The following EEF2K variants were observed in gnomAD, a reference collection of about 807,000 sequenced individuals.
EEF2K encodes the protein alternative protein EEF2K.
A neutral mutation model predicts 93.8 loss-of-function variants in EEF2K; 70 were observed. The observed-to-expected ratio is 0.75, with a 90% confidence interval of 0.62 to 0.91. The LOEUF is 0.91. EEF2K is among the 40% of genes least tolerant of loss of function. EEF2K has a pLI of 0.00. For missense variants in EEF2K, 935 were observed against 972.9 expected (o/e 0.96, Z 0.52); for synonymous variants, 376 against 380.8 (o/e 0.99, Z 0.15).
At chr16:22,262,744 C>T (rs956493819) in intron 11 of EEF2K, among the ~76,000 whole-genome samples, 2 of 152,164 alleles carry the variant, frequency 1.3e-5, no homozygotes, top group Non-Finnish European at 2.9e-5. Flanking sequence ...AATCCCATAA[C>T]TAAGGACACT....
chr16:22,259,312 G>GC (rs1365168876), intron 10 of EEF2K, among the ~76,000 whole-genome samples: 1 of 152,208 alleles, frequency 6.6e-6, no homozygotes, highest in East Asian at 1.9e-4. Flanking sequence ...GAAAGTGTGA[G>GC]CGGGAGCAGG....
chr16:22,237,847 T>G (rs2141660524), intron 2 of EEF2K, among the ~76,000 whole-genome samples: 1 of 152,290 alleles, frequency 6.6e-6, no homozygotes, highest in African/African-American at 2.4e-5. Flanking sequence ...CATTTGCATA[T>G]AAGTATACAT....
chr16:22,229,868 T>C (rs1300004313), intron 2 of EEF2K, among the ~76,000 whole-genome samples: 1 of 152,214 alleles, frequency 6.6e-6, no homozygotes, highest in Non-Finnish European at 1.5e-5. Context: ...GGATTTGAAA[T>C]TAAAAATAAT....
intron 1 of EEF2K, among the ~76,000 whole-genome samples, chr16:22,217,391 GA>G (rs2046968920): frequency 6.6e-6 from 1 of 151,890 alleles, no homozygotes; most frequent in South Asian, 2.1e-4. Context: ...GCCCTAGTAA[GA>G]AAAAGGTGTT....
At chr16:22,265,551 A>G (rs957183889) in intron 13 of EEF2K, among the ~76,000 whole-genome samples, 1 of 152,194 alleles carries the variant, frequency 6.6e-6, no homozygotes, top group Non-Finnish European at 1.5e-5. Flanking sequence ...ATCTCCCAGA[A>G]CACTGATTAT....
At chr16:22,244,269 T>TTTTGTGTGTG (rs1192995219) in intron 2 of EEF2K, among the ~76,000 whole-genome samples, 2 of 140,058 alleles carry the variant, frequency 1.4e-5, no homozygotes, top group African/African-American at 5.3e-5. Context: ...TATATATGTA[T>TTTTGTGTGTG]TGTGTGTGTG....
intron 14 of EEF2K, 52 bp downstream of exon 14, chr16:22,266,576 C>T (rs1377082030): frequency 6.2e-7 from 1 of 1,605,306 alleles, no homozygotes; most frequent in Non-Finnish European, 8.5e-7. Flanking sequence ...TGGAGCCCCC[C>T]AGCTCCAGCC....
At chr16:22,248,122 T>G (rs563202552) in intron 3 of EEF2K, among the ~76,000 whole-genome samples, 1 of 152,266 alleles carries the variant, frequency 6.6e-6, no homozygotes, top group Non-Finnish European at 1.5e-5. Context: ...TGGAGTGCAA[T>G]GGTGCAATCT....
chr16:22,252,860 A>G (rs1343671441), intron 6 of EEF2K, among the ~76,000 whole-genome samples: 1 of 152,194 alleles, frequency 6.6e-6, no homozygotes, highest in Admixed American at 6.5e-5. Context: ...GTTTCCCCTT[A>G]TAAAACCATC....
rs757096482 is a variant in EEF2K, at chr16:22,285,815, TTTG to T, written c.*1829_*1831del. 3 of 152,472 alleles carry T rather than the reference TTTG, an allele frequency of 2.0e-5. No individual in the cohort carries two copies. Among genetic ancestry groups the T allele is most frequent in the East Asian group, 1.9e-4 (1 of 5,182 alleles). 9.4% of individuals were successfully genotyped at this position (152,472 alleles called of 1,614,324 possible). On this transcript the variant is annotated 3_prime_UTR_variant, in exon 18 of 18. Transcript: ENST00000263026. ...TGGGTCCTTCAACACCTTAGTGGGG[TTTG>T]TTGTTGTTGCTTATGCAGAGAGATT...
chr16:22,230,792 T>C (rs140473224), intron 2 of EEF2K, among the ~76,000 whole-genome samples: 238 of 152,280 alleles, frequency 1.6e-3, no homozygotes, highest in Non-Finnish European at 2.6e-3. Flanking sequence ...GTTGTTGTTA[T>C]TGTTTTACAT....
At chr16:22,254,712 T>C (rs1375826465) in intron 6 of EEF2K, among the ~76,000 whole-genome samples, 1 of 152,220 alleles carries the variant, frequency 6.6e-6, no homozygotes, top group Non-Finnish European at 1.5e-5. Flanking sequence ...TAATTTCCCA[T>C]TGCAGGGAGA....
intron 1 of EEF2K, among the ~76,000 whole-genome samples, chr16:22,208,842 C>T (rs2142096834): frequency 1.3e-5 from 2 of 152,272 alleles, no homozygotes; most frequent in Admixed American, 1.3e-4. Context: ...TCCTGGGGTG[C>T]TCCCTGGATG....
At chr16:22,226,517 C>CTTCTTTTTTTTTTTTTTTTTTTTTT (rs1555469266) in intron 2 of EEF2K, among the ~76,000 whole-genome samples, 21 of 106,872 alleles carry the variant, frequency 2.0e-4, no homozygotes, top group African/African-American at 3.4e-4. Context: ...CCTTCTTCTT[C>CTTCTTTTTTTTTTTTTTTTTTTTTT]TTTTTTTTTT....
chr16:22,282,253 T>G (rs1433352001), intron 17 of EEF2K, among the ~76,000 whole-genome samples: 1 of 152,144 alleles, frequency 6.6e-6, no homozygotes, highest in Non-Finnish European at 1.5e-5. Flanking sequence ...AATTCCAAGA[T>G]CAAGGTGCTG....
intron 6 of EEF2K, among the ~76,000 whole-genome samples, chr16:22,256,103 A>T (rs1567279439): frequency 6.8e-6 from 1 of 146,596 alleles, no homozygotes. Flanking sequence ...TATTTTATTA[A>T]TTTTTTTTTT....
intron 11 of EEF2K, among the ~76,000 whole-genome samples, chr16:22,261,252 G>A (rs1307744641): frequency 3.3e-5 from 5 of 152,054 alleles, no homozygotes; most frequent in Non-Finnish European, 7.4e-5. Flanking sequence ...GCACATACCT[G>A]TAGTCCCAGC....
chr16:22,235,351 C>T (rs1371599293), intron 2 of EEF2K, among the ~76,000 whole-genome samples: 1 of 124,202 alleles, frequency 8.1e-6, no homozygotes, highest in Admixed American at 7.7e-5. Flanking sequence ...TCTTCAGTAA[C>T]CAGTTTTTTT....
intron 3 of EEF2K, among the ~76,000 whole-genome samples, chr16:22,247,866 C>T (rs368887055): frequency 1.1e-4 from 17 of 152,208 alleles, no homozygotes; most frequent in African/African-American, 4.1e-4. Flanking sequence ...GACCCTTACC[C>T]TCCACTGTGT....
Sources: gnomAD v4.1 joint callset for allele counts (sites outside exome capture counted in the v4.1 genomes callset) on GRCh38, gnomAD v4.1.1 for gene constraint, MANE v1.5 for transcripts, NCBI Gene and HGNC (gene_info 2026-07-23, HGNC 2026-07-21) for gene names.